CLMN: variants seen among roughly 807,000 people sequenced by gnomAD.
CLMN encodes the protein calmin (calponin-like, transmembrane).
Under a neutral mutation model 92.7 loss-of-function variants are expected in CLMN, and 57 were observed. The observed-to-expected ratio is 0.61, with a 90% CI of 0.50 to 0.77. The LOEUF (loss-of-function observed/expected upper bound fraction) is 0.77. CLMN is among the 30% of genes least tolerant of loss of function. The pLI is 0.00. For synonymous variants in CLMN, 466 were observed against 470.6 expected (o/e 0.99, Z 0.13); for missense variants, 1,158 against 1,237.5 (o/e 0.94, Z 0.96).
In CLMN at chr14:95,184,009, AG is replaced by A. The variant is rs1260006773; in HGVS notation, c.*7554del. 2 of 152,184 alleles carry A rather than the reference AG, an allele frequency of 1.3e-5. No homozygotes were observed. Among genetic ancestry groups the A allele is most frequent in the Non-Finnish European group, 2.9e-5 (2 of 68,042 alleles). 9.4% of individuals were successfully genotyped at this position (152,184 alleles called of 1,614,324 possible). On this transcript the variant is annotated 3_prime_UTR_variant, in exon 13 of 13. Transcript: ENST00000298912. Reference sequence around the variant, plus strand: ...CAGAAAAAAGTAATGGATTGGAGAGAGGTTGGAAGAAGCTATGGTACACTAA... The same window carrying A: ...CAGAAAAAAGTAATGGATTGGAGAGAGTTGGAAGAAGCTATGGTACACTAA...
Position 95,191,421 on chromosome 14 carries a change from A to AAAC in CLMN, c.*142_*143insGTT, listed in dbSNP as rs779597760. On this transcript the variant is annotated 3_prime_UTR_variant, in exon 13 of 13. Coordinates refer to ENST00000298912, the MANE Select transcript of CLMN (RefSeq NM_024734.4). The surrounding 1 kb of genome is among the most constrained non-coding windows in gnomAD (Gnocchi z 5.3). ...AAGGAAACCTGAAAAAAAAAAAAAA[A>AAAC]CCACAATAGCGAGAAAGGGGGTCTA... The AAAC allele has an allele frequency of 4.1e-4, 196 of 483,332 alleles. No individual in the cohort carries two copies. Among genetic ancestry groups the AAAC allele is most frequent in the Middle Eastern group, 5.8e-4 (1 of 1,730 alleles). The allele number at this position is 483,332 out of a possible 1,614,324, so 29.9% of individuals were successfully genotyped here.
intron 1 of CLMN, among the ~76,000 whole-genome samples, chr14:95,288,402 G>A (rs1900425291): frequency 6.6e-6 from 1 of 152,188 alleles, no homozygotes; most frequent in Non-Finnish European, 1.5e-5. Flanking sequence ...GGCTGGGGAA[G>A]GAACAGTGCG....
intron 8 of CLMN, among the ~76,000 whole-genome samples, chr14:95,206,930 T>C (rs1490410496): frequency 6.6e-6 from 1 of 151,878 alleles, no homozygotes; most frequent in African/African-American, 2.4e-5. Context: ...CCAGGAAAAT[T>C]GAATTGCAAA....
chr14:95,251,557 G>A (rs1898786296), intron 1 of CLMN, among the ~76,000 whole-genome samples: 1 of 152,192 alleles, frequency 6.6e-6, no homozygotes, highest in South Asian at 2.1e-4. Flanking sequence ...ATTAAGTTCT[G>A]TGCATGGCTC....
At chr14:95,273,478 T>C (rs1171717705) in intron 1 of CLMN, among the ~76,000 whole-genome samples, 1 of 152,164 alleles carries the variant, frequency 6.6e-6, no homozygotes, top group Non-Finnish European at 1.5e-5. Flanking sequence ...ACTTCCGTCA[T>C]CTGATAGGGC....
At chr14:95,244,169 T>C (rs1470452359) in intron 1 of CLMN, among the ~76,000 whole-genome samples, 2 of 152,208 alleles carry the variant, frequency 1.3e-5, no homozygotes, top group African/African-American at 2.4e-5. Flanking sequence ...ACCTCTTTTC[T>C]TTATAAATTA....
intron 6 of CLMN, among the ~76,000 whole-genome samples, chr14:95,212,854 C>T (rs550658999): frequency 8.7e-5 from 13 of 149,266 alleles, no homozygotes; most frequent in East Asian, 7.9e-4. Context: ...GGAGTGAACT[C>T]GGCTCACTGC....
chr14:95,280,348 A>G (rs2140738915), intron 1 of CLMN, among the ~76,000 whole-genome samples: 1 of 152,352 alleles, frequency 6.6e-6, no homozygotes, highest in East Asian at 1.9e-4. Context: ...AAATTTGGCT[A>G]GATTCTCTCT....
At chr14:95,274,706 C>A (rs555829658) in intron 1 of CLMN, among the ~76,000 whole-genome samples, 1 of 152,204 alleles carries the variant, frequency 6.6e-6, no homozygotes, top group Admixed American at 6.5e-5. Context: ...CACAGCCGGG[C>A]GCGGTGGCTC....
chr14:95,288,252 G>A (rs1900418471), intron 1 of CLMN, among the ~76,000 whole-genome samples: 1 of 152,184 alleles, frequency 6.6e-6, no homozygotes, highest in Admixed American at 6.5e-5. Flanking sequence ...AACCAGAGTT[G>A]CAACAGCCAT....
At chr14:95,288,481 A>C (rs1900429719) in intron 1 of CLMN, among the ~76,000 whole-genome samples, 1 of 152,198 alleles carries the variant, frequency 6.6e-6, no homozygotes, top group Non-Finnish European at 1.5e-5. Flanking sequence ...GAACAATGGA[A>C]ACTACAGCAG....
chr14:95,196,765 C>T, intron 9 of CLMN, 71 bp from the exon 10 acceptor site: 1 of 1,478,526 alleles, frequency 6.8e-7, no homozygotes, highest in Admixed American at 2.0e-5. Context: ...CATCACCCAG[C>T]AGTGCTCTGC....
intron 1 of CLMN, among the ~76,000 whole-genome samples, chr14:95,245,799 G>GATGGATGC (rs1898541933): frequency 2.7e-5 from 4 of 149,676 alleles, no homozygotes; most frequent in African/African-American, 7.4e-5. Context: ...TGGATTATTG[G>GATGGATGC]ATGGATGGAT....
At chr14:95,224,347 A>G (rs1191272984) in intron 2 of CLMN, among the ~76,000 whole-genome samples, 2 of 152,094 alleles carry the variant, frequency 1.3e-5, no homozygotes, top group Non-Finnish European at 2.9e-5. Context: ...CAGTGGCACA[A>G]TTTTGGCTCA....
chr14:95,194,646 G>A lies in CLMN; in HGVS notation c.2709-50C>T. The A allele has an allele frequency of 6.4e-7, 1 of 1,567,452 alleles. No individual in the cohort carries two copies. Among genetic ancestry groups the A allele is most frequent in the Non-Finnish European group, 8.8e-7 (1 of 1,137,600 alleles). On this transcript the variant is annotated intron_variant, in intron 10 of 12. Transcript: ENST00000298912. This position sits in a 1 kb window ranked among gnomAD's most constrained non-coding sequence, Gnocchi z 4.0. ...ATTGGTACCACCTGGAGCTCTTCAT[G>A]GCTCAGTTGTACGGTCACCCCCATC...
At chr14:95,213,732 C>A (rs948500243) in intron 5 of CLMN, among the ~76,000 whole-genome samples, 6 of 152,134 alleles carry the variant, frequency 3.9e-5, no homozygotes, top group African/African-American at 1.4e-4. Context: ...CTCTCACCGC[C>A]CATCACTCCC....
chr14:95,288,755 C>T (rs1159626365), intron 1 of CLMN, among the ~76,000 whole-genome samples: 1 of 152,198 alleles, frequency 6.6e-6, no homozygotes, highest in African/African-American at 2.4e-5. Context: ...AAAAGACATG[C>T]CCAAGAGTGT....
intron 1 of CLMN, among the ~76,000 whole-genome samples, chr14:95,299,376 T>C (rs1409762739): frequency 6.6e-6 from 1 of 152,188 alleles, no homozygotes; most frequent in Non-Finnish European, 1.5e-5. Context: ...GCAAGAACAC[T>C]GTCCAAGAGC....
intron 1 of CLMN, among the ~76,000 whole-genome samples, chr14:95,245,194 A>AATATATATATATATT (rs1898436511): frequency 5.6e-5 from 2 of 35,482 alleles, no homozygotes; most frequent in Non-Finnish European, 8.9e-5. Flanking sequence ...ATATATATAT[A>AATATATATATATATT]ATATATATAT....
Sources: gnomAD v4.1 joint callset for allele counts (sites outside exome capture counted in the v4.1 genomes callset) on GRCh38, gnomAD v4.1.1 for gene constraint, Gnocchi (gnomAD v3.1) non-coding constraint, MANE v1.5 for transcripts, NCBI Gene and HGNC (gene_info 2026-07-23, HGNC 2026-07-21) for gene names.